The following IMMP2L variants were observed in gnomAD, a reference collection of about 807,000 sequenced individuals.
IMMP2L encodes mitochondrial inner membrane protease subunit 2.
IMMP2L carries 18 observed loss-of-function variants against 19.3 expected under a neutral mutation model. The ratio of observed to expected loss-of-function variants is 0.93; its 90% confidence interval spans 0.64 to 1.38. The LOEUF (loss-of-function observed/expected upper bound fraction) is 1.38, where lower values mean the gene tolerates loss of function less well. IMMP2L is among the 40% of genes most tolerant of loss of function. IMMP2L has a pLI of 0.00. For synonymous variants in IMMP2L, 76 were observed against 73.0 expected, an observed-to-expected ratio of 1.04 and a Z score of -0.21; for missense variants, 233 against 218.2, an observed-to-expected ratio of 1.07 and a Z score of -0.43.
At chr7:111,481,331 A>G (rs1842169273) in intron 3 of IMMP2L, among the ~76,000 whole-genome samples, 1 of 152,124 alleles carries the variant, frequency 6.6e-6, no homozygotes, top group Non-Finnish European at 1.5e-5. Context: ...ACCACATTAT[A>G]TGGAGACATT....
chr7:111,428,820 G>C (rs918516497), intron 3 of IMMP2L, among the ~76,000 whole-genome samples: 1 of 151,650 alleles, frequency 6.6e-6, no homozygotes, highest in Non-Finnish European at 1.5e-5. Flanking sequence ...CTCTCTACTA[G>C]AACATCTCCA....
intron 3 of IMMP2L, among the ~76,000 whole-genome samples, chr7:111,430,539 T>C (rs1170936893): frequency 1.3e-5 from 2 of 151,788 alleles, no homozygotes; most frequent in Admixed American, 6.6e-5. Context: ...ATAAAATTAT[T>C]GTATTTCCTT....
intron 5 of IMMP2L, among the ~76,000 whole-genome samples, chr7:110,875,108 A>C (rs1308476778): frequency 6.6e-6 from 1 of 152,168 alleles, no homozygotes; most frequent in Admixed American, 6.6e-5. Flanking sequence ...TCAAAAAGTC[A>C]CAAATACTAC....
intron 3 of IMMP2L, among the ~76,000 whole-genome samples, chr7:111,010,425 T>C (rs1824818180): frequency 6.6e-6 from 1 of 152,116 alleles, no homozygotes; most frequent in African/African-American, 2.4e-5. Context: ...CAGATTAGTA[T>C]ATTCATTTGG....
intron 3 of IMMP2L, among the ~76,000 whole-genome samples, chr7:111,264,011 G>A (rs985017618): frequency 2.1e-4 from 32 of 152,112 alleles, no homozygotes; most frequent in African/African-American, 7.7e-4. Flanking sequence ...CTAAGGTTCT[G>A]GCTAGGATAA....
chr7:111,136,114 G>A (rs1052508450), intron 3 of IMMP2L, among the ~76,000 whole-genome samples: 9 of 151,002 alleles, frequency 6.0e-5, no homozygotes, highest in African/African-American at 1.9e-4. Context: ...CTGCAACCTC[G>A]GCCTCCTGGG....
chr7:111,069,900 T>C (rs535157218), intron 3 of IMMP2L, among the ~76,000 whole-genome samples: 2 of 152,304 alleles, frequency 1.3e-5, no homozygotes, highest in African/African-American at 4.8e-5. Flanking sequence ...GTTATTCTAC[T>C]ATTTGCAAAC....
intron 4 of IMMP2L, among the ~76,000 whole-genome samples, chr7:110,956,346 C>T (rs995672513): frequency 2.6e-5 from 4 of 151,956 alleles, no homozygotes; most frequent in Non-Finnish European, 5.9e-5. Context: ...AAAATGACTG[C>T]GTCATGAGCA....
chr7:111,555,213 C>A (rs777834856), intron 1 of IMMP2L, among the ~76,000 whole-genome samples: 15 of 152,086 alleles, frequency 9.9e-5, no homozygotes, highest in Non-Finnish European at 2.9e-5. Context: ...CTAGCAGACA[C>A]TCCTGTGAAA....
At chr7:111,013,477 G>A (rs866825552) in intron 3 of IMMP2L, among the ~76,000 whole-genome samples, 3 of 152,174 alleles carry the variant, frequency 2.0e-5, no homozygotes, top group Middle Eastern at 3.4e-3. Flanking sequence ...CTGGATGGGA[G>A]GTGTGAGGGA....
chr7:110,796,769 G>C (rs1800890616), intron 5 of IMMP2L, among the ~76,000 whole-genome samples: 1 of 152,034 alleles, frequency 6.6e-6, no homozygotes, highest in African/African-American at 2.4e-5. Context: ...AAGATCACAG[G>C]TGAAAAGATA....
intron 3 of IMMP2L, among the ~76,000 whole-genome samples, chr7:110,978,574 A>G (rs1261467248): frequency 6.6e-6 from 1 of 152,080 alleles, no homozygotes. Flanking sequence ...TGATGGTGAC[A>G]TTCTAAAATT....
At chr7:110,949,281 T>C (rs1480632109) in intron 4 of IMMP2L, among the ~76,000 whole-genome samples, 1 of 152,236 alleles carries the variant, frequency 6.6e-6, no homozygotes, top group Non-Finnish European at 1.5e-5. Context: ...TATATCTTCA[T>C]GGTCTAGGTG....
At chr7:110,756,033 A>G (rs535820107) in intron 5 of IMMP2L, among the ~76,000 whole-genome samples, 3 of 152,240 alleles carry the variant, frequency 2.0e-5, no homozygotes, top group African/African-American at 7.2e-5. Context: ...AGATAACCTT[A>G]TTAGCAGCTT....
At chr7:111,110,457 T>C (rs1799071704) in intron 3 of IMMP2L, among the ~76,000 whole-genome samples, 1 of 152,178 alleles carries the variant, frequency 6.6e-6, no homozygotes, top group South Asian at 2.1e-4. Context: ...ATCACAAATA[T>C]AGATTATATC....
chr7:111,039,069 T>C lies in IMMP2L; in HGVS notation c.240-75504A>G, dbSNP rs10239308. On this transcript the variant is annotated intron_variant, in intron 3 of 5. Coordinates refer to ENST00000405709, the MANE Select transcript of IMMP2L (RefSeq NM_032549.4). ...TTGTACATAACTTCTATTTCAAACT[T>C]TGATAAGCACAATGTATAGAATAGA... 9.9e-3 allele frequency among the ~76,000 whole-genome samples: 1,503 copies of C among 152,282 alleles called. 23 individuals are homozygous for C. Among genetic ancestry groups the C allele is most frequent in the African/African-American group, 0.033 (1,391 of 41,532 alleles).
At chr7:110,686,910 T>C (rs1387294817) in intron 5 of IMMP2L, among the ~76,000 whole-genome samples, 2 of 152,118 alleles carry the variant, frequency 1.3e-5, no homozygotes, top group Admixed American at 6.5e-5. Context: ...CTTCAATCAT[T>C]CTTCACTTTC....
At chr7:111,415,366 G>A (rs1334741764) in intron 3 of IMMP2L, among the ~76,000 whole-genome samples, 1 of 151,756 alleles carries the variant, frequency 6.6e-6, no homozygotes, top group Admixed American at 6.6e-5. Flanking sequence ...GGGAGACCTT[G>A]ACTTTAGTAT....
chr7:110,695,717 G>A (rs1793833104), intron 5 of IMMP2L, among the ~76,000 whole-genome samples: 1 of 152,172 alleles, frequency 6.6e-6, no homozygotes, highest in African/African-American at 2.4e-5. Flanking sequence ...ATAATGTAGG[G>A]TGCTTCCTGA....
Sources: gnomAD v4.1 joint callset for allele counts (sites outside exome capture counted in the v4.1 genomes callset) on GRCh38, gnomAD v4.1.1 for gene constraint, MANE v1.5 for transcripts, NCBI Gene and HGNC (gene_info 2026-07-23, HGNC 2026-07-21) for gene names.